FREM1: variants seen among roughly 807,000 people sequenced by gnomAD.
FREM1 encodes FRAS1-related extracellular matrix protein 1.
Under a neutral mutation model 210.1 loss-of-function variants are expected in FREM1, and 220 were observed. The ratio of observed to expected loss-of-function variants is 1.05; its 90% CI spans 0.94 to 1.17. The LOEUF (loss-of-function observed/expected upper bound fraction) is 1.17, where lower values mean the gene tolerates loss of function less well. Ranked by LOEUF, FREM1 falls within the 50% of genes most tolerant of loss-of-function variation. The pLI, the probability that FREM1 is intolerant of heterozygous loss-of-function variation, is 0.00. For synonymous variants in FREM1, 1,189 were observed against 980.2 expected (o/e 1.21, Z -3.98); for missense variants, 3,454 against 2,675.5 (o/e 1.29, Z -6.42).
chr9:14,835,481 T>C (rs577579373), intron 10 of FREM1, among the ~76,000 whole-genome samples: 2 of 152,344 alleles, frequency 1.3e-5, no homozygotes, highest in East Asian at 3.9e-4. Flanking sequence ...AAGCTCGACA[T>C]GTACAGCCAA....
At chr9:14,806,253 C>CTTTTT (rs35603165) in intron 18 of FREM1, among the ~76,000 whole-genome samples, 1 of 129,784 alleles carries the variant, frequency 7.7e-6, no homozygotes, top group Non-Finnish European at 1.6e-5. Context: ...GTGCTTTAAA[C>CTTTTT]TTTTTTTTTT....
At position 14,806,844 on chromosome 9, in the gene FREM1, G is replaced by A. The variant is rs756971174; in HGVS notation, c.3091C>T (p.Pro1031Ser). 13 of 1,588,518 alleles carry A rather than the reference G, an allele frequency of 8.2e-6. No homozygotes were observed. The highest frequency in any genetic ancestry group is 3.3e-4 in the Middle Eastern group (2 of 6,018). Reference protein sequence around the residue: ...DNQPPSIAIGPVFVVDEGCST... With the variant: ...DNQPPSIAIGSVFVVDEGCST... ...CAGCCCTCATCTACAACAAACACGG[G>A]ACCTGCATACAAATAAAAACACAAT... Residue 1031 changes from proline to serine, a missense_variant and splice_region_variant, in exon 18 of 37, where the codon CCC becomes TCC. Coordinates refer to ENST00000380880, the MANE Select transcript of FREM1 (RefSeq NM_001379081.2).
chr9:14,810,504 T>C (rs752811110), intron 16 of FREM1, among the ~76,000 whole-genome samples: 3 of 152,136 alleles, frequency 2.0e-5, no homozygotes, highest in African/African-American at 7.2e-5. Context: ...CAGGTTGGAG[T>C]GCAGTGGCAT....
At chr9:14,899,112 A>C (rs565367577) in intron 1 of FREM1, among the ~76,000 whole-genome samples, 2 of 152,296 alleles carry the variant, frequency 1.3e-5, no homozygotes, top group African/African-American at 2.4e-5. Flanking sequence ...AAAAGGAACA[A>C]GGCAAATCAC....
chr9:14,778,981 T>C (rs1018595412), intron 24 of FREM1, among the ~76,000 whole-genome samples: 2 of 152,200 alleles, frequency 1.3e-5, no homozygotes, highest in Non-Finnish European at 2.9e-5. Flanking sequence ...AAAAGTAAAC[T>C]GATATACATT....
chr9:14,857,575 G>C lies in FREM1; in HGVS notation c.806C>G (p.Thr269Ser). ...YISIQLDLTDTRSKIVYKSES... is the reference protein window; with the variant it reads ...YISIQLDLTDSRSKIVYKSES... ...TACCTTGTACACAATTTTGCTCCTG[G>C]TATCTGTGAGGTCCAGTTGGATGGA... Residue 269 changes from threonine to serine, a missense_variant, in exon 5 of 37, where the codon ACC (threonine) becomes AGC (serine). By Grantham distance (58) the Thr-to-Ser change is moderately conservative (BLOSUM62 1). Transcript: ENST00000380880. 1 of 1,613,576 alleles carries C rather than the reference G, an allele frequency of 6.2e-7. No homozygotes were observed. Among genetic ancestry groups the C allele is most frequent in the Non-Finnish European group, 8.5e-7 (1 of 1,179,784 alleles).
chr9:14,745,474 T>A (rs1842250158), intron 35 of FREM1, among the ~76,000 whole-genome samples: 1 of 152,196 alleles, frequency 6.6e-6, no homozygotes, highest in Non-Finnish European at 1.5e-5. Context: ...GAATCGTCAT[T>A]TTGTCATTGA....
intron 26 of FREM1, among the ~76,000 whole-genome samples, chr9:14,770,233 C>T (rs1847284800): frequency 1.3e-5 from 2 of 151,746 alleles, no homozygotes; most frequent in Non-Finnish European, 2.9e-5. Flanking sequence ...AGGAAAAAAA[C>T]CAAGAACTTT....
intron 15 of FREM1, among the ~76,000 whole-genome samples, chr9:14,816,558 T>G (rs7854516): frequency 0.029 from 4,457 of 152,208 alleles, 187 homozygotes; most frequent in African/African-American, 0.099. Flanking sequence ...CATAGCTCAG[T>G]GTCTGGCTCC....
rs189815743 is a variant in FREM1, at chr9:14,809,097, C to T, written c.2894-963G>A. On this transcript the variant is annotated intron_variant, in intron 16 of 36. Coordinates refer to ENST00000380880, the MANE Select transcript of FREM1 (RefSeq NM_001379081.2). ...AATTTATGGGGGCAGGTCTTTCCTG[C>T]GCTTTTCTCATGATAGTGAATGAGT... Among the ~76,000 whole-genome samples the T allele has an allele frequency of 5.3e-5, 8 of 152,236 alleles. No homozygotes were observed. The East Asian group carries it at 5.8e-4, about 11-fold the overall frequency.
chr9:14,857,590 A>C lies in FREM1; in HGVS notation c.791T>G (p.Leu264Arg). ...SPNIDYISIQ[L>R]DLTDTRSKIV... The stretch of plus-strand genomic sequence containing the variant: ...TTTGCTCCTGGTATCTGTGAGGTCC[A>C]GTTGGATGGAGATATAATCAATGTT... Residue 264 changes from leucine to arginine, a missense_variant, in exon 5 of 37, where the codon CTG becomes CGG. Coordinates refer to ENST00000380880, the MANE Select transcript of FREM1 (RefSeq NM_001379081.2). The C allele has an allele frequency of 1.2e-6, 2 of 1,613,862 alleles. No individual in the cohort carries two copies. Among genetic ancestry groups the C allele is most frequent in the Non-Finnish European group, 1.7e-6 (2 of 1,179,872 alleles).
At chr9:14,813,631 C>G (rs1161460790) in intron 15 of FREM1, among the ~76,000 whole-genome samples, 1 of 152,032 alleles carries the variant, frequency 6.6e-6, no homozygotes, top group Admixed American at 6.6e-5. Flanking sequence ...GGTTTCATCC[C>G]GACAAAATGT....
chr9:14,740,329 C>CCT, intron 35 of FREM1, 95 bp from the exon 36 acceptor site: 1 of 917,514 alleles, frequency 1.1e-6, no homozygotes. Context: ...GTTTAAAATA[C>CCT]ACAAAAAAGT....
chr9:14,757,640 T>A lies in FREM1; in HGVS notation c.5335-1194A>T, dbSNP rs562236598. On this transcript the variant is annotated intron_variant, in intron 28 of 36. Coordinates refer to ENST00000380880, the MANE Select transcript of FREM1 (RefSeq NM_001379081.2). ...TGTGCAAGCATTTCTGTTACTTGTGTGTATTTTTTAGATGTTTAAGATGGT... is the reference window on the plus strand; with the variant it reads ...TGTGCAAGCATTTCTGTTACTTGTGAGTATTTTTTAGATGTTTAAGATGGT... Among the ~76,000 whole-genome samples the A allele has an allele frequency of 1.2e-4, 19 of 152,316 alleles. No homozygotes were observed. In the South Asian group the frequency reaches 3.3e-3, roughly 27 times the overall value.
chr9:14,800,100 A>G (rs1172489510), intron 20 of FREM1, among the ~76,000 whole-genome samples: 4 of 151,998 alleles, frequency 2.6e-5, no homozygotes, highest in Non-Finnish European at 1.5e-5. Flanking sequence ...TTTTGCAACA[A>G]TTACAAAAAA....
intron 10 of FREM1, among the ~76,000 whole-genome samples, chr9:14,839,318 A>C (rs774136298): frequency 4.6e-5 from 7 of 152,168 alleles, no homozygotes; most frequent in Admixed American, 2.6e-4. Flanking sequence ...ATTTTGTGCA[A>C]GTTTTTAGGG....
intron 3 of FREM1, among the ~76,000 whole-genome samples, chr9:14,863,584 A>T (rs1830967571): frequency 6.6e-6 from 1 of 152,182 alleles, no homozygotes; most frequent in Non-Finnish European, 1.5e-5. Flanking sequence ...ATACGGCTAA[A>T]AATTTGCCAC....
At chr9:14,885,516 C>A (rs1219313661) in intron 1 of FREM1, among the ~76,000 whole-genome samples, 2 of 152,154 alleles carry the variant, frequency 1.3e-5, no homozygotes, top group African/African-American at 2.4e-5. Context: ...AATTCCTGGG[C>A]TCAAGCAAGC....
At chr9:14,844,681 C>A (rs914581301) in intron 8 of FREM1, among the ~76,000 whole-genome samples, 4 of 152,190 alleles carry the variant, frequency 2.6e-5, no homozygotes, top group Admixed American at 2.0e-4. Context: ...TTGTATTTGG[C>A]ATAGCAATAT....
Sources: gnomAD v4.1 joint callset for allele counts (sites outside exome capture counted in the v4.1 genomes callset) on GRCh38, gnomAD v4.1.1 for gene constraint, MANE v1.5 for transcripts, NCBI Gene and HGNC (gene_info 2026-07-23, HGNC 2026-07-21) for gene names.